The following TENM2 variants were observed in gnomAD, a reference collection of about 807,000 sequenced individuals.
TENM2 encodes teneurin transmembrane protein 2, also known as teneurin-2.
TENM2 carries 52 observed loss-of-function variants against 245.2 expected under a neutral mutation model. That is an observed-to-expected ratio of 0.21 (90% CI 0.17 to 0.27). TENM2 has a LOEUF of 0.27. TENM2 is among the 10% of genes least tolerant of loss of function. The pLI, the probability that TENM2 is intolerant of heterozygous loss-of-function variation, is 1.00. For synonymous variants in TENM2, 1,363 were observed against 1,438.9 expected (o/e 0.95, Z 1.19); for missense variants, 3,046 against 3,666.8 (o/e 0.83, Z 4.37).
chr5:167,303,382 A>AGAT (rs372564193), intron 1 of TENM2: 20,407 of 127,376 alleles, frequency 0.16, 1,526 homozygotes, highest in African/African-American at 0.37. Context: ...CAGCAAAGGG[A>AGAT]GGGGTGAGGC....
intron 5 of TENM2, among the ~76,000 whole-genome samples, chr5:168,046,874 G>A (rs1327537583): frequency 6.6e-6 from 1 of 152,180 alleles, no homozygotes; most frequent in Non-Finnish European, 1.5e-5. Flanking sequence ...AAATAGTTAG[G>A]GAGGTGGGCC....
intron 2 of TENM2, among the ~76,000 whole-genome samples, chr5:167,773,823 A>T (rs1763559940): frequency 6.6e-6 from 1 of 152,098 alleles, no homozygotes. Flanking sequence ...GCATATTACT[A>T]AACAGCAAGA....
chr5:166,980,775 A>G, the TENM2 span, among the ~76,000 whole-genome samples: 1 of 152,218 alleles, frequency 6.6e-6, no homozygotes, highest in Non-Finnish European at 1.5e-5. Flanking sequence ...GTTTCTGTAC[A>G]TGTATCATCA....
chr5:167,578,354 T>C (rs1452075735), intron 2 of TENM2, among the ~76,000 whole-genome samples: 1 of 152,210 alleles, frequency 6.6e-6, no homozygotes, highest in Non-Finnish European at 1.5e-5. Context: ...ATCTGTTGCA[T>C]TAGCCTAGAC....
chr5:167,359,243 G>C (rs10051468), intron 1 of TENM2, among the ~76,000 whole-genome samples: 144,160 of 152,168 alleles, frequency 0.95, 68,367 homozygotes, highest in East Asian at 0.98. Flanking sequence ...GGACCCAACT[G>C]TCTCCTTAAC....
intron 5 of TENM2, among the ~76,000 whole-genome samples, chr5:168,036,646 A>T (rs1787699207): frequency 9.2e-6 from 1 of 108,914 alleles, no homozygotes; most frequent in Non-Finnish European, 1.7e-5. Flanking sequence ...AAAAAAAAAT[A>T]TATATATATA....
At chr5:167,459,743 C>A (rs1160140158) in intron 2 of TENM2, among the ~76,000 whole-genome samples, 1 of 152,074 alleles carries the variant, frequency 6.6e-6, no homozygotes, top group Non-Finnish European at 1.5e-5. Context: ...GACAAATTTT[C>A]TTTTGTAATC....
chr5:167,463,733 C>A (rs12519893), intron 2 of TENM2, among the ~76,000 whole-genome samples: 33,327 of 151,866 alleles, frequency 0.22, 3,752 homozygotes, highest in Non-Finnish European at 0.25. Flanking sequence ...TGGCCTCAGG[C>A]GATCTGCCTG....
chr5:166,987,291 C>T, the TENM2 span, among the ~76,000 whole-genome samples: 1 of 152,046 alleles, frequency 6.6e-6, no homozygotes, highest in African/African-American at 2.4e-5. Context: ...GAATCGTACA[C>T]AGTTTGGGGA....
intron 5 of TENM2, among the ~76,000 whole-genome samples, chr5:168,019,296 G>A (rs777127730): frequency 4.6e-5 from 7 of 152,164 alleles, no homozygotes; most frequent in Admixed American, 2.6e-4. Flanking sequence ...CTCAAAACCC[G>A]CCAACAATTC....
intron 2 of TENM2, among the ~76,000 whole-genome samples, chr5:167,745,142 G>A (rs1200654074): frequency 6.6e-6 from 1 of 152,208 alleles, no homozygotes; most frequent in Non-Finnish European, 1.5e-5. Context: ...CAATGAGATG[G>A]AATTGGAAAG....
In TENM2 at chr5:168,218,066, C is replaced by G. The variant is rs915795880; in HGVS notation, c.4234-59C>G. 6.5e-7 allele frequency: 1 copy of G among 1,544,412 alleles called. No homozygotes were observed. The highest frequency in any genetic ancestry group is 8.8e-7 in the Non-Finnish European group (1 of 1,137,322). On this transcript the variant is annotated intron_variant, in intron 22 of 28. Coordinates refer to ENST00000518659, the Ensembl canonical transcript of TENM2. The surrounding 1 kb of genome is among the most constrained non-coding windows in gnomAD (Gnocchi z 5.2). Reference sequence around the variant, plus strand: ...ATATATAAAACCAGTAAGTGCCGTACGGTTAAACGTTGGACATATTAAAGG... The same window carrying G: ...ATATATAAAACCAGTAAGTGCCGTAGGGTTAAACGTTGGACATATTAAAGG...
At chr5:167,726,804 A>G (rs879615223) in intron 2 of TENM2, among the ~76,000 whole-genome samples, 3 of 152,144 alleles carry the variant, frequency 2.0e-5, no homozygotes, top group Non-Finnish European at 4.4e-5. Flanking sequence ...CTGGAAATCT[A>G]TGCCCAAACC....
rs77006850 is a variant in TENM2 at position 167,787,854 on chromosome 5, G to A, written c.503-88132G>A. Among the ~76,000 whole-genome samples, 979 of 152,320 alleles carry A rather than the reference G, an allele frequency of 6.4e-3. 11 individuals are homozygous for A. Among genetic ancestry groups the A allele is most frequent in the African/African-American group, 0.022 (925 of 41,572 alleles). On this transcript the variant is annotated intron_variant, in intron 2 of 28. Transcript: ENST00000518659. The stretch of plus-strand genomic sequence containing the variant: ...GGATTGTTGGTGAAGGTAGAAGGTG[G>A]TAGATGAGAGTTCACTTGCCCACCA...
chr5:167,719,294 T>G (rs1759467428), intron 2 of TENM2, among the ~76,000 whole-genome samples: 1 of 152,196 alleles, frequency 6.6e-6, no homozygotes, highest in Non-Finnish European at 1.5e-5. Flanking sequence ...CGGGACCAAG[T>G]CCTGTTCTTC....
the TENM2 span, among the ~76,000 whole-genome samples, chr5:167,170,091 C>T: frequency 6.6e-6 from 1 of 152,202 alleles, no homozygotes; most frequent in African/African-American, 2.4e-5. Flanking sequence ...ACGGGTACAT[C>T]TATTGGCTGG....
intron 2 of TENM2, among the ~76,000 whole-genome samples, chr5:167,632,948 T>G (rs1363934834): frequency 2.6e-5 from 4 of 152,158 alleles, no homozygotes; most frequent in Non-Finnish European, 1.5e-5. Context: ...TGAAGTAAAA[T>G]GAACAGAGTT....
chr5:167,898,824 G>A (rs1455071357), intron 3 of TENM2, among the ~76,000 whole-genome samples: 1 of 152,174 alleles, frequency 6.6e-6, no homozygotes, highest in Non-Finnish European at 1.5e-5. Flanking sequence ...CTTGAGCATG[G>A]CTAGTGTGAT....
At chr5:168,159,866 TA>T (rs763971164) in intron 12 of TENM2, among the ~76,000 whole-genome samples, 37 of 152,024 alleles carry the variant, frequency 2.4e-4, no homozygotes, top group African/African-American at 5.1e-4. Context: ...GAGAAGGGGT[TA>T]AAAAAAAGCC....
Sources: allele counts gnomAD v4.1 joint callset (sites outside exome capture counted in the v4.1 genomes callset), GRCh38; gene constraint gnomAD v4.1.1; non-coding constraint Gnocchi (gnomAD v3.1); transcripts MANE v1.5; gene names NCBI Gene and HGNC (gene_info 2026-07-23, HGNC 2026-07-21).